The following PTPRM variants were observed in gnomAD, a reference collection of about 807,000 sequenced individuals.
PTPRM encodes the protein protein tyrosine phosphatase receptor type M, also known as receptor-type tyrosine-protein phosphatase mu.
PTPRM carries 47 observed loss-of-function variants against 186.7 expected under a neutral mutation model. The observed-to-expected ratio is 0.25, with a 90% CI of 0.20 to 0.32. The LOEUF (loss-of-function observed/expected upper bound fraction) is 0.32. Ranked by LOEUF, PTPRM falls within the 10% of genes least tolerant of loss-of-function variation. The pLI, the probability that PTPRM is intolerant of heterozygous loss-of-function variation, is 1.00. For synonymous variants in PTPRM, 668 were observed against 674.9 expected, an observed-to-expected ratio of 0.99 and a Z score of 0.16; for missense variants, 1,494 against 1,865.0, an observed-to-expected ratio of 0.80 and a Z score of 3.66.
intron 5 of PTPRM, among the ~76,000 whole-genome samples, chr18:7,927,739 G>A (rs373250375): frequency 2.0e-5 from 3 of 152,038 alleles, no homozygotes; most frequent in Non-Finnish European, 2.9e-5. Context: ...ATGTAAATCT[G>A]TAGTCATTTG....
chr18:7,883,952 G>A (rs1247647801), intron 2 of PTPRM, among the ~76,000 whole-genome samples: 2 of 151,948 alleles, frequency 1.3e-5, no homozygotes, highest in African/African-American at 4.8e-5. Context: ...ACCAGCCTGG[G>A]CAACATAGTA....
At chr18:7,579,579 G>C (rs1386433153) in intron 1 of PTPRM, among the ~76,000 whole-genome samples, 1 of 152,190 alleles carries the variant, frequency 6.6e-6, no homozygotes, top group African/African-American at 2.4e-5. Context: ...TATCTGCTTC[G>C]TATATATCTT....
chr18:7,570,866 C>T (rs1207291653), intron 1 of PTPRM, among the ~76,000 whole-genome samples: 1 of 151,792 alleles, frequency 6.6e-6, no homozygotes, highest in Non-Finnish European at 1.5e-5. Context: ...GCTAAACTTA[C>T]TGGAAAAGTA....
chr18:8,220,677 T>C (rs1165633216), intron 14 of PTPRM, among the ~76,000 whole-genome samples: 3 of 152,214 alleles, frequency 2.0e-5, no homozygotes, highest in Non-Finnish European at 4.4e-5. Context: ...AGCCAAGACT[T>C]AATCTAACTC....
At chr18:7,730,847 G>C (rs1212187127) in intron 1 of PTPRM, among the ~76,000 whole-genome samples, 3 of 152,150 alleles carry the variant, frequency 2.0e-5, no homozygotes, top group African/African-American at 7.2e-5. Flanking sequence ...ACAATACCGA[G>C]GGACTTATTC....
In PTPRM at chr18:8,341,874, A is replaced by G. The variant is rs532483780; in HGVS notation, c.2957-1549A>G. 5.3e-4 allele frequency among the ~76,000 whole-genome samples: 80 copies of G among 152,324 alleles called. No homozygotes were observed. In the East Asian group the frequency reaches 0.013, roughly 26 times the overall value. The stretch of plus-strand genomic sequence containing the variant: ...CCCTCTGTAACCTTAGATTAAAGTC[A>G]CTGAAATCTTCAGCCTCTACATCAG... On this transcript the variant is annotated intron_variant, in intron 22 of 32. Coordinates refer to ENST00000580170, the MANE Select transcript of PTPRM (RefSeq NM_001105244.2).
intron 1 of PTPRM, among the ~76,000 whole-genome samples, chr18:7,653,713 G>C (rs962831269): frequency 1.3e-5 from 2 of 152,116 alleles, no homozygotes; most frequent in African/African-American, 4.8e-5. Context: ...TATCCTATCT[G>C]TCATTGATGG....
intron 5 of PTPRM, among the ~76,000 whole-genome samples, chr18:7,935,789 TTAGG>T (rs1167700311): frequency 6.6e-6 from 1 of 152,138 alleles, no homozygotes; most frequent in Non-Finnish European, 1.5e-5. Flanking sequence ...ATAATACCTG[TTAGG>T]TAGTTTTTTG....
chr18:7,848,419 C>T (rs1195312970), intron 2 of PTPRM, among the ~76,000 whole-genome samples: 1 of 152,098 alleles, frequency 6.6e-6, no homozygotes, highest in African/African-American at 2.4e-5. Flanking sequence ...AAAAAATGTG[C>T]TTTGCTGTCA....
intron 2 of PTPRM, among the ~76,000 whole-genome samples, chr18:7,833,090 T>G (rs2045843552): frequency 6.6e-6 from 1 of 152,218 alleles, no homozygotes; most frequent in African/African-American, 2.4e-5. Context: ...TAGGATAGCT[T>G]TGACTATTCT....
At chr18:8,344,875 A>G (rs1171612240) in intron 23 of PTPRM, among the ~76,000 whole-genome samples, 1 of 152,140 alleles carries the variant, frequency 6.6e-6, no homozygotes, top group African/African-American at 2.4e-5. Flanking sequence ...CACAAACAGT[A>G]GACCCTCAGA....
intron 1 of PTPRM, among the ~76,000 whole-genome samples, chr18:7,619,323 C>T (rs1242218902): frequency 2.0e-5 from 3 of 152,172 alleles, no homozygotes; most frequent in Admixed American, 6.5e-5. Context: ...GGAACATTTA[C>T]AGATGATGAC....
intron 3 of PTPRM, among the ~76,000 whole-genome samples, chr18:7,901,253 A>G (rs914908359): frequency 9.2e-5 from 14 of 152,308 alleles, no homozygotes; most frequent in African/African-American, 2.4e-4. Flanking sequence ...AGAGGTGTAC[A>G]TAATGGAAAA....
In PTPRM at chr18:7,900,563, A is replaced by G. The variant is rs551401209; in HGVS notation, c.469-5942A>G. On this transcript the variant is annotated intron_variant, in intron 3 of 32. Coordinates refer to ENST00000580170, the MANE Select transcript of PTPRM (RefSeq NM_001105244.2). ...TTAAAAGGTGTGTGTGTGTGTGTGT[A>G]TATATATGTATGTAAAGGTATTCTA... 4.0e-4 allele frequency among the ~76,000 whole-genome samples: 61 copies of G among 151,584 alleles called. 1 individual carries two copies. The highest frequency in any genetic ancestry group is 3.7e-3 in the South Asian group (18 of 4,816).
intron 5 of PTPRM, among the ~76,000 whole-genome samples, chr18:7,946,491 G>C (rs554662635): frequency 6.6e-6 from 1 of 152,154 alleles, no homozygotes; most frequent in Non-Finnish European, 1.5e-5. Context: ...TTGGAAAGAA[G>C]ACTAGGGAGT....
At chr18:7,768,396 G>C (rs1278811913) in intron 1 of PTPRM, among the ~76,000 whole-genome samples, 4 of 152,132 alleles carry the variant, frequency 2.6e-5, no homozygotes, top group Non-Finnish European at 5.9e-5. Flanking sequence ...TGGAGGCTGA[G>C]GTGGGAGGAC....
chr18:8,295,205 G>C (rs2095083005), intron 19 of PTPRM, among the ~76,000 whole-genome samples: 1 of 152,176 alleles, frequency 6.6e-6, no homozygotes, highest in African/African-American at 2.4e-5. Context: ...CGTGGCGTCT[G>C]CGAGCAGTGT....
chr18:8,160,027 G>T (rs371776353), intron 14 of PTPRM, among the ~76,000 whole-genome samples: 1 of 150,966 alleles, frequency 6.6e-6, no homozygotes, highest in African/African-American at 2.5e-5. Context: ...TAAAATAGTT[G>T]AAATGAATAG....
chr18:7,669,827 A>G (rs1022271243), intron 1 of PTPRM, among the ~76,000 whole-genome samples: 1 of 152,060 alleles, frequency 6.6e-6, no homozygotes, highest in African/African-American at 2.4e-5. Flanking sequence ...GGTTCAAGAG[A>G]TTCTCCTGCC....
Sources: gnomAD v4.1 joint callset for allele counts (sites outside exome capture counted in the v4.1 genomes callset) on GRCh38, gnomAD v4.1.1 for gene constraint, MANE v1.5 for transcripts, NCBI Gene and HGNC (gene_info 2026-07-23, HGNC 2026-07-21) for gene names.